MVB12B: variants seen among roughly 807,000 people sequenced by gnomAD.
MVB12B encodes the protein ESCRT-I complex subunit MVB12B.
A neutral mutation model predicts 41.6 loss-of-function variants in MVB12B; 16 were observed. That is an observed-to-expected ratio of 0.38 (90% confidence interval 0.26 to 0.58). The LOEUF (loss-of-function observed/expected upper bound fraction) is 0.58. MVB12B is among the 20% of genes least tolerant of loss of function. MVB12B has a pLI of 0.62. For missense variants in MVB12B, 274 were observed against 380.2 expected, an observed-to-expected ratio of 0.72 and a Z score of 2.32; for synonymous variants, 133 against 139.7, an observed-to-expected ratio of 0.95 and a Z score of 0.34.
intron 7 of MVB12B, among the ~76,000 whole-genome samples, chr9:126,431,293 C>T (rs907324237): frequency 5.9e-5 from 9 of 152,176 alleles, no homozygotes; most frequent in African/African-American, 2.2e-4. Flanking sequence ...GGCTATTTTC[C>T]GTGGCAAGCA....
chr9:126,384,268 C>G (rs1024215921), intron 3 of MVB12B, among the ~76,000 whole-genome samples: 6 of 152,034 alleles, frequency 3.9e-5, no homozygotes, highest in African/African-American at 1.5e-4. Context: ...CGAGGCCCAG[C>G]TACCTGGAAT....
chr9:126,403,684 A>G (rs1831331904), intron 6 of MVB12B, among the ~76,000 whole-genome samples: 1 of 152,226 alleles, frequency 6.6e-6, no homozygotes, highest in Admixed American at 6.5e-5. Flanking sequence ...CAACCATGTC[A>G]TCTCATTCCA....
At chr9:126,432,717 C>T (rs11793565) in intron 7 of MVB12B, among the ~76,000 whole-genome samples, 6 of 151,964 alleles carry the variant, frequency 3.9e-5, no homozygotes, top group Non-Finnish European at 4.4e-5. Flanking sequence ...ACCTGTGGTA[C>T]GTGGCAGGGC....
In MVB12B at chr9:126,392,306, A is replaced by G; in HGVS notation, c.539+111A>G. 1 of 1,313,976 alleles carries G rather than the reference A, an allele frequency of 7.6e-7. No homozygotes were observed. The highest frequency in any genetic ancestry group is 2.3e-5 in the East Asian group (1 of 42,826). The allele number at this position is 1,313,976 out of a possible 1,614,324, so 81.4% of individuals were successfully genotyped here. A position where few individuals can be genotyped will look rare whatever the true frequency, so the allele number is the denominator to read the frequency against. ...CATGCAGCCCCCCAGGCTCTCAGCC[A>G]TGGGCCTCTGTCAGCCCAGTGCTCC... is the stretch of plus-strand genomic sequence containing the variant. On this transcript the variant is annotated intron_variant, in intron 5 of 9. Coordinates refer to ENST00000361171, the MANE Select transcript of MVB12B (RefSeq NM_033446.3). The surrounding 1 kb of genome is among the most constrained non-coding windows in gnomAD (Gnocchi z 4.8).
intron 2 of MVB12B, among the ~76,000 whole-genome samples, chr9:126,378,854 C>T (rs112220396): frequency 0.011 from 1,616 of 152,280 alleles, 22 homozygotes; most frequent in Admixed American, 0.017. Flanking sequence ...TTGCCGGCTT[C>T]TCCCATTACA....
chr9:126,378,126 C>A (rs1564297956), intron 2 of MVB12B, among the ~76,000 whole-genome samples: 1 of 152,202 alleles, frequency 6.6e-6, no homozygotes, highest in East Asian at 1.9e-4. Context: ...CCACCCCACA[C>A]CCCACCTTAC....
At chr9:126,335,707 G>A (rs75296327) in intron 1 of MVB12B, among the ~76,000 whole-genome samples, 2,853 of 152,304 alleles carry the variant, frequency 0.019, 47 homozygotes, top group Non-Finnish European at 0.031. Flanking sequence ...CTCTTGTGGC[G>A]TTTCCTACGG....
At chr9:126,381,040 C>G in intron 2 of MVB12B, 24 bp from the exon 3 acceptor site, 1 of 1,604,236 alleles carries the variant, frequency 6.2e-7, no homozygotes. Flanking sequence ...ACCTGCAATC[C>G]TTTTCTCTGT....
At chr9:126,418,731 C>G (rs1050591928) in intron 6 of MVB12B, among the ~76,000 whole-genome samples, 20 of 152,144 alleles carry the variant, frequency 1.3e-4, no homozygotes, top group African/African-American at 4.6e-4. Flanking sequence ...GGAGGTCAGA[C>G]TCCCCACGGA....
In MVB12B at chr9:126,455,261, C is replaced by G. The variant is rs185135773; in HGVS notation, c.758-26108C>G. 8.1e-3 allele frequency among the ~76,000 whole-genome samples: 1,232 copies of G among 152,034 alleles called. 9 individuals carry two copies. The highest frequency in any genetic ancestry group is 0.015 in the Admixed American group (233 of 15,276). ...GGAGTGCAGTGGCGTGATCTCAGCT[C>G]CCTGCCACCTCCGCCTCCCGGGTTC... On this transcript the variant is annotated intron_variant, in intron 7 of 9. Transcript: ENST00000361171.
chr9:126,495,108 C>T (rs970957441), intron 9 of MVB12B, among the ~76,000 whole-genome samples: 4 of 150,502 alleles, frequency 2.7e-5, no homozygotes, highest in African/African-American at 9.8e-5. Flanking sequence ...GTGAGGATCA[C>T]TTGAGCCCAG....
Position 126,392,203 on chromosome 9 carries a change from TTAA to T in MVB12B, c.539+12_539+14del. The T allele has an allele frequency of 1.2e-6, 2 of 1,614,064 alleles. No homozygotes were observed. Among genetic ancestry groups the T allele is most frequent in the Non-Finnish European group, 1.7e-6 (2 of 1,179,926 alleles). On this transcript the variant is annotated intron_variant, in intron 5 of 9. Coordinates refer to ENST00000361171, the MANE Select transcript of MVB12B (RefSeq NM_033446.3). The surrounding 1 kb of genome is among the most constrained non-coding windows in gnomAD (Gnocchi z 4.8). ...TCAGTACACGTTTATTGGGTGAGTC[TTAA>T]TAACAGGACTGTCAGCTGCTTCTCT... is the stretch of plus-strand genomic sequence containing the variant.
At chr9:126,384,783 T>C (rs935905444) in intron 3 of MVB12B, among the ~76,000 whole-genome samples, 9 of 151,122 alleles carry the variant, frequency 6.0e-5, no homozygotes, top group Non-Finnish European at 1.3e-4. Context: ...TCCACCTGCC[T>C]CGGCCTCCCA....
At chr9:126,398,483 T>C (rs1831180815) in intron 6 of MVB12B, among the ~76,000 whole-genome samples, 1 of 152,254 alleles carries the variant, frequency 6.6e-6, no homozygotes, top group Non-Finnish European at 1.5e-5. Context: ...CCTTTTGTTA[T>C]ATTTCCCTCA....
At chr9:126,341,729 A>G (rs1219428514) in intron 2 of MVB12B, among the ~76,000 whole-genome samples, 1 of 152,200 alleles carries the variant, frequency 6.6e-6, no homozygotes, top group Admixed American at 6.5e-5. Flanking sequence ...GCCTCTCCTT[A>G]GTGAATACCA....
At chr9:126,366,823 A>G (rs368725968) in intron 2 of MVB12B, among the ~76,000 whole-genome samples, 1 of 152,152 alleles carries the variant, frequency 6.6e-6, no homozygotes, top group East Asian at 1.9e-4. Flanking sequence ...GACTCCACGC[A>G]GCCAGCCTGT....
intron 2 of MVB12B, among the ~76,000 whole-genome samples, chr9:126,371,473 C>G (rs1279974059): frequency 6.6e-6 from 1 of 152,258 alleles, no homozygotes; most frequent in Admixed American, 6.5e-5. Context: ...AATCCCTTCA[C>G]CTCTACAAGG....
rs1202412307 is a variant in MVB12B, at chr9:126,494,872, C to CA, written c.874-8305_874-8304insA. ...TCAGTGACCAGGGAGCACCCCACCCCCCCCCAGGGTTGTTTGCAGACACCA... is the reference window on the plus strand; with the variant it reads ...TCAGTGACCAGGGAGCACCCCACCCCACCCCCAGGGTTGTTTGCAGACACCA... On this transcript the variant is annotated intron_variant, in intron 9 of 9. Transcript: ENST00000361171. 6.9e-4 allele frequency among the ~76,000 whole-genome samples: 105 copies of CA among 151,582 alleles called. 2 individuals carry two copies. In the Middle Eastern group the frequency reaches 0.014, roughly 20 times the overall value.
chr9:126,440,353 G>A (rs1378420783), intron 7 of MVB12B, among the ~76,000 whole-genome samples: 1 of 152,214 alleles, frequency 6.6e-6, no homozygotes, highest in Non-Finnish European at 1.5e-5. Context: ...CCTGTGAGGG[G>A]TTAAAGGAGG....
Sources: gnomAD v4.1 joint callset for allele counts (sites outside exome capture counted in the v4.1 genomes callset) on GRCh38, gnomAD v4.1.1 for gene constraint, Gnocchi (gnomAD v3.1) non-coding constraint, MANE v1.5 for transcripts, NCBI Gene and HGNC (gene_info 2026-07-23, HGNC 2026-07-21) for gene names.